CRB1: variants seen among roughly 807,000 people sequenced by gnomAD.
CRB1 encodes crumbs cell polarity complex component 1.
CRB1 carries 83 observed loss-of-function variants against 120.0 expected under a neutral mutation model. The observed-to-expected ratio is 0.69, with a 90% CI of 0.58 to 0.83. The LOEUF (loss-of-function observed/expected upper bound fraction) is 0.83. CRB1 is among the 40% of genes least tolerant of loss of function. The pLI, the probability that CRB1 is intolerant of heterozygous loss-of-function variation, is 0.00. For missense variants in CRB1, 1,699 were observed against 1,687.6 expected (o/e 1.01, Z -0.12); for synonymous variants, 625 against 612.5 (o/e 1.02, Z -0.30).
rs567094163 is a variant in CRB1 at position 197,364,093 on chromosome 1, C to T, written c.1171+7080C>T. 121 of 1,165,748 alleles carry T rather than the reference C, an allele frequency of 1.0e-4. No homozygotes were observed. In the African/African-American group the frequency reaches 1.3e-3, roughly 13 times the overall value. The allele number at this position is 1,165,748 out of a possible 1,614,324, so 72.2% of individuals were successfully genotyped here. A position where few individuals can be genotyped will look rare whatever the true frequency, so the allele number is the denominator to read the frequency against. Reference sequence around the variant, plus strand: ...GCGGGGCTGCTGAGGCGGGCAGATCCGTGGGTGGGCTGCTGAGGCTTGTGG... The same window carrying T: ...GCGGGGCTGCTGAGGCGGGCAGATCTGTGGGTGGGCTGCTGAGGCTTGTGG... On this transcript the variant is annotated intron_variant, in intron 5 of 11. Transcript: ENST00000367400.
the CRB1 span, among the ~76,000 whole-genome samples, chr1:197,242,558 G>A: frequency 6.6e-6 from 1 of 152,108 alleles, no homozygotes; most frequent in East Asian, 1.9e-4. Context: ...GCTTTTTGAT[G>A]TGCTGCTGGA....
At chr1:197,226,142 C>A in the CRB1 span, among the ~76,000 whole-genome samples, 1 of 152,162 alleles carries the variant, frequency 6.6e-6, no homozygotes, top group Non-Finnish European at 1.5e-5. Flanking sequence ...CTCCTGAACT[C>A]AAGCCATCCA....
chr1:197,304,276 G>A (rs1227224930), intron 1 of CRB1: 1 of 322,950 alleles, frequency 3.1e-6, no homozygotes, highest in Non-Finnish European at 4.5e-6. Flanking sequence ...TTTAACATAA[G>A]TTAAATGCAA....
At chr1:197,311,584 A>C (rs1346664816) in intron 1 of CRB1, among the ~76,000 whole-genome samples, 1 of 152,120 alleles carries the variant, frequency 6.6e-6, no homozygotes, top group Non-Finnish European at 1.5e-5. Flanking sequence ...TGTACAATTG[A>C]CAGATAATAT....
intron 1 of CRB1, among the ~76,000 whole-genome samples, chr1:197,324,364 T>A (rs1658376569): frequency 1.3e-5 from 2 of 152,354 alleles, no homozygotes; most frequent in South Asian, 4.1e-4. Flanking sequence ...ACTCTGCTAG[T>A]CAATAGACAA....
At chr1:197,354,438 C>T (rs960698712) in intron 4 of CRB1, among the ~76,000 whole-genome samples, 15 of 152,168 alleles carry the variant, frequency 9.9e-5, no homozygotes, top group Middle Eastern at 6.8e-3. Flanking sequence ...ATGGGGTGTC[C>T]GCAGTCTGTT....
intron 1 of CRB1, among the ~76,000 whole-genome samples, chr1:197,305,323 A>G (rs866588296): frequency 4.6e-5 from 7 of 152,156 alleles, no homozygotes; most frequent in South Asian, 2.1e-4. Flanking sequence ...AGTCAAGTGT[A>G]TAAACATATT....
At chr1:197,227,822 T>C in the CRB1 span, among the ~76,000 whole-genome samples, 1 of 152,198 alleles carries the variant, frequency 6.6e-6, no homozygotes, top group East Asian at 1.9e-4. Flanking sequence ...GCCCCGCTCC[T>C]GCAGCAAACT....
intron 10 of CRB1, 47 bp from the exon 11 acceptor site, chr1:197,442,119 T>G: frequency 6.2e-7 from 1 of 1,613,652 alleles, no homozygotes; most frequent in African/African-American, 1.3e-5. Flanking sequence ...TCACAACCAA[T>G]GTATTCAACA....
chr1:197,361,454 G>C (rs185225984), intron 5 of CRB1, among the ~76,000 whole-genome samples: 26 of 151,822 alleles, frequency 1.7e-4, no homozygotes, highest in African/African-American at 6.0e-4. Context: ...ACTTATTTTC[G>C]GCAATTTGTG....
At chr1:197,440,777 A>G (rs1335454044) in intron 10 of CRB1, 2 of 152,178 alleles carry the variant, frequency 1.3e-5, no homozygotes. Flanking sequence ...CCTTGGTTAA[A>G]CCTTCAGCTT....
intron 5 of CRB1, among the ~76,000 whole-genome samples, chr1:197,366,134 A>AT (rs1258936806): frequency 6.6e-6 from 1 of 152,054 alleles, no homozygotes; most frequent in Non-Finnish European, 1.5e-5. Flanking sequence ...AATATCATTT[A>AT]TTTTTATCAA....
intron 1 of CRB1, among the ~76,000 whole-genome samples, chr1:197,291,311 C>G (rs374249783): frequency 6.6e-6 from 1 of 151,678 alleles, no homozygotes; most frequent in East Asian, 1.9e-4. Context: ...TTACTTTATT[C>G]AACACTGTGG....
chr1:197,471,582 A>T (rs150330885), intron 11 of CRB1, among the ~76,000 whole-genome samples: 1 of 152,202 alleles, frequency 6.6e-6, no homozygotes, highest in East Asian at 1.9e-4. Context: ...CACATTCCTA[A>T]GCCTTTTATT....
chr1:197,289,371 T>G (rs1308803348), intron 1 of CRB1, among the ~76,000 whole-genome samples: 1 of 151,898 alleles, frequency 6.6e-6, no homozygotes, highest in Non-Finnish European at 1.5e-5. Flanking sequence ...ACTCTAATTT[T>G]GGTTCCTCTG....
intron 5 of CRB1, among the ~76,000 whole-genome samples, chr1:197,415,411 A>ATAAT (rs1663928188): frequency 6.6e-6 from 1 of 152,068 alleles, no homozygotes; most frequent in African/African-American, 2.4e-5. Context: ...AAATAAATAA[A>ATAAT]TACAGCTAAA....
upstream of CRB1, among the ~76,000 whole-genome samples, chr1:197,265,897 A>G (rs1004263319): frequency 2.6e-5 from 4 of 152,072 alleles, no homozygotes; most frequent in Non-Finnish European, 5.9e-5. Flanking sequence ...CATTGCTGCT[A>G]GATTTATCTT....
intron 4 of CRB1, among the ~76,000 whole-genome samples, chr1:197,354,972 C>G (rs955001967): frequency 6.6e-6 from 1 of 150,712 alleles, no homozygotes; most frequent in Non-Finnish European, 1.5e-5. Context: ...TTTCAAACCT[C>G]GAGCTAGACA....
chr1:197,285,406 C>A (rs1054108579), intron 1 of CRB1, among the ~76,000 whole-genome samples: 2 of 151,698 alleles, frequency 1.3e-5, no homozygotes, highest in Non-Finnish European at 2.9e-5. Context: ...GTAAAATACT[C>A]CTCTCAGTGG....
Sources: allele counts gnomAD v4.1 joint callset (sites outside exome capture counted in the v4.1 genomes callset), GRCh38; gene constraint gnomAD v4.1.1; transcripts MANE v1.5; gene names NCBI Gene and HGNC (gene_info 2026-07-23, HGNC 2026-07-21).